NEK10: variants seen among roughly 807,000 people sequenced by gnomAD.
The protein encoded by NEK10 is NIMA related kinase 10, also known as serine/threonine-protein kinase Nek10.
Under a neutral mutation model 159.8 loss-of-function variants are expected in NEK10, and 122 were observed. The ratio of observed to expected loss-of-function variants is 0.76; its 90% CI spans 0.66 to 0.89. The LOEUF is 0.89. Ranked by LOEUF, NEK10 falls within the 40% of genes least tolerant of loss-of-function variation. The pLI is 0.00. For missense variants in NEK10, 1,342 were observed against 1,323.1 expected, an observed-to-expected ratio of 1.01 and a Z score of -0.22; for synonymous variants, 466 against 457.1, an observed-to-expected ratio of 1.02 and a Z score of -0.25.
chr3:27,334,026 G>C (rs903346), intron 5 of NEK10, among the ~76,000 whole-genome samples: 92,497 of 152,058 alleles, frequency 0.61, 30,263 homozygotes, highest in East Asian at 0.88. Context: ...CCTGTACACA[G>C]AACTGCAGGG....
At chr3:27,148,651 G>A (rs1944535415) in intron 30 of NEK10, among the ~76,000 whole-genome samples, 1 of 152,068 alleles carries the variant, frequency 6.6e-6, no homozygotes, top group Non-Finnish European at 1.5e-5. Flanking sequence ...TGGCAATTTG[G>A]AATTTGAGGG....
At chr3:27,304,202 A>C (rs2044055603) in intron 12 of NEK10, among the ~76,000 whole-genome samples, 1 of 152,216 alleles carries the variant, frequency 6.6e-6, no homozygotes. Flanking sequence ...AGAGAAAAGT[A>C]GAGAACTGGA....
chr3:27,158,408 G>A (rs987044529), intron 30 of NEK10, among the ~76,000 whole-genome samples: 2 of 152,102 alleles, frequency 1.3e-5, no homozygotes, highest in Admixed American at 6.6e-5. Flanking sequence ...TAACTTGAAA[G>A]TAAACTACTA....
At chr3:27,217,065 C>T (rs1951610034) in intron 23 of NEK10, among the ~76,000 whole-genome samples, 1 of 152,114 alleles carries the variant, frequency 6.6e-6, no homozygotes, top group Admixed American at 6.5e-5. Flanking sequence ...AAAAATTTTA[C>T]TGACAGGCTT....
intron 13 of NEK10, among the ~76,000 whole-genome samples, chr3:27,301,199 G>A (rs1225939845): frequency 2.6e-5 from 4 of 152,222 alleles, no homozygotes; most frequent in African/African-American, 7.2e-5. Context: ...AAGCATTGAT[G>A]CATTGCTGCT....
chr3:27,183,846 A>C (rs1180689911), intron 26 of NEK10, among the ~76,000 whole-genome samples: 1 of 152,138 alleles, frequency 6.6e-6, no homozygotes, highest in African/African-American at 2.4e-5. Context: ...AATGTGCTCA[A>C]CCTCATTGAT....
chr3:27,238,768 T>C (rs928750344), intron 23 of NEK10, among the ~76,000 whole-genome samples: 51 of 151,354 alleles, frequency 3.4e-4, no homozygotes, highest in Admixed American at 1.6e-3. Context: ...TGTGTGTGTG[T>C]GTGTGTGTGT....
At chr3:27,313,122 G>A (rs554305772) in intron 7 of NEK10, among the ~76,000 whole-genome samples, 161 of 151,514 alleles carry the variant, frequency 1.1e-3, no homozygotes, top group African/African-American at 3.4e-3. Context: ...AAAATGATCC[G>A]GGCATGGTGG....
In NEK10 at chr3:27,301,633, A is replaced by G. The variant is rs561152959; in HGVS notation, c.1168+63T>C. On this transcript the variant is annotated intron_variant, in intron 13 of 35. Coordinates refer to ENST00000691995, the MANE Select transcript of NEK10 (RefSeq NM_001394966.1). ...CTACTTAACACTACTACACTAATCTATGATAGTGAATAATAATACAACACA... is the reference window on the plus strand; with the variant it reads ...CTACTTAACACTACTACACTAATCTGTGATAGTGAATAATAATACAACACA... The G allele has an allele frequency of 6.9e-6, 9 of 1,301,272 alleles. No homozygotes were observed. The South Asian group carries it at 9.0e-5, about 13-fold the overall frequency. The allele number at this position is 1,301,272 out of a possible 1,614,324, so 80.6% of individuals were successfully genotyped here.
chr3:27,340,033 T>A (rs1022860455), intron 5 of NEK10, among the ~76,000 whole-genome samples: 1 of 152,230 alleles, frequency 6.6e-6, no homozygotes, highest in South Asian at 2.1e-4. Flanking sequence ...TTATAAATCA[T>A]GCTACTATAA....
chr3:27,218,729 T>A (rs2149138480), intron 23 of NEK10, among the ~76,000 whole-genome samples: 16 of 91,312 alleles, frequency 1.8e-4, no homozygotes, highest in Admixed American at 4.1e-4. Context: ...ATTAACAGAA[T>A]GAAGTCTAAA....
At chr3:27,221,751 C>A (rs1952119553) in intron 23 of NEK10, among the ~76,000 whole-genome samples, 1 of 152,170 alleles carries the variant, frequency 6.6e-6, no homozygotes, top group Non-Finnish European at 1.5e-5. Flanking sequence ...CAGCCAAGAA[C>A]TCACTGCCTG....
intron 5 of NEK10, among the ~76,000 whole-genome samples, chr3:27,332,908 A>G (rs981264903): frequency 9.2e-5 from 14 of 152,170 alleles, no homozygotes; most frequent in Admixed American, 9.2e-4. Context: ...GGAAGACCAC[A>G]ATTTGTTTCC....
intron 30 of NEK10, among the ~76,000 whole-genome samples, chr3:27,144,557 A>G (rs1160469259): frequency 1.3e-5 from 2 of 152,112 alleles, no homozygotes; most frequent in South Asian, 4.1e-4. Flanking sequence ...TCAACAATAT[A>G]TATTATCAAA....
intron 32 of NEK10, among the ~76,000 whole-genome samples, chr3:27,127,389 T>C (rs879941513): frequency 6.6e-6 from 1 of 152,168 alleles, no homozygotes; most frequent in African/African-American, 2.4e-5. Context: ...GGCAATTTCA[T>C]CATTGTGCAA....
chr3:27,307,629 T>C (rs935423297), intron 11 of NEK10, among the ~76,000 whole-genome samples: 2 of 152,148 alleles, frequency 1.3e-5, no homozygotes, highest in African/African-American at 4.8e-5. Context: ...ATCACAAAAA[T>C]TTATTTCATC....
intron 19 of NEK10, among the ~76,000 whole-genome samples, chr3:27,290,324 G>A (rs2042907601): frequency 6.6e-6 from 1 of 152,178 alleles, no homozygotes; most frequent in Non-Finnish European, 1.5e-5. Flanking sequence ...AATATAAGGA[G>A]AAAAGAATAG....
At chr3:27,276,168 G>T (rs1001582366) in intron 22 of NEK10, among the ~76,000 whole-genome samples, 1 of 151,858 alleles carries the variant, frequency 6.6e-6, no homozygotes, top group African/African-American at 2.4e-5. Context: ...TATTCATTTG[G>T]TGAATAAAAA....
At chr3:27,169,657 G>T (rs563361661) in intron 29 of NEK10, among the ~76,000 whole-genome samples, 8 of 152,320 alleles carry the variant, frequency 5.3e-5, no homozygotes, top group Non-Finnish European at 8.8e-5. Context: ...ACCTTCGTTT[G>T]TCACCTAACT....
Sources: gnomAD v4.1 joint callset for allele counts (sites outside exome capture counted in the v4.1 genomes callset) on GRCh38, gnomAD v4.1.1 for gene constraint, MANE v1.5 for transcripts, NCBI Gene and HGNC (gene_info 2026-07-23, HGNC 2026-07-21) for gene names.